The following DLC1 variants were observed in gnomAD, a reference collection of about 807,000 sequenced individuals.
The protein encoded by DLC1 is DLC1 Rho GTPase activating protein.
DLC1 carries 54 observed loss-of-function variants against 140.3 expected under a neutral mutation model. The ratio of observed to expected loss-of-function variants is 0.38; its 90% CI spans 0.31 to 0.48. DLC1 has a LOEUF of 0.48. Ranked by LOEUF, DLC1 falls within the 20% of genes least tolerant of loss-of-function variation. The probability of loss-of-function intolerance (pLI) is 0.96; values close to 1 mark genes in which losing one functional copy is unlikely to be tolerated. For synonymous variants in DLC1, 986 were observed against 728.1 expected (o/e 1.35, Z -5.70); for missense variants, 2,536 against 1,907.0 (o/e 1.33, Z -6.14).
intron 4 of DLC1, among the ~76,000 whole-genome samples, chr8:13,378,733 C>T (rs962553401): frequency 6.6e-6 from 1 of 152,028 alleles, no homozygotes; most frequent in African/African-American, 2.4e-5. Flanking sequence ...ACAGAACTTC[C>T]GTTATGTGCC....
At chr8:13,599,788 T>A (rs1805808655) in intron 1 of DLC1, among the ~76,000 whole-genome samples, 1 of 151,836 alleles carries the variant, frequency 6.6e-6, no homozygotes, top group Non-Finnish European at 1.5e-5. Context: ...AATAGGGAAA[T>A]GCAAAGGTCC....
At chr8:13,341,381 C>G (rs1380866422) in intron 4 of DLC1, 1 of 152,162 alleles carries the variant, frequency 6.6e-6, no homozygotes, top group African/African-American at 2.4e-5. Context: ...TCGAGCAGTT[C>G]TTGAACTCCA....
At chr8:13,579,933 A>G (rs1250965942) in intron 1 of DLC1, among the ~76,000 whole-genome samples, 1 of 151,884 alleles carries the variant, frequency 6.6e-6, no homozygotes, top group Non-Finnish European at 1.5e-5. Context: ...ACAAACAACA[A>G]TGGTGACAGG....
intron 1 of DLC1, among the ~76,000 whole-genome samples, chr8:13,521,665 G>T (rs1207204515): frequency 6.6e-6 from 1 of 152,110 alleles, no homozygotes; most frequent in Non-Finnish European, 1.5e-5. Flanking sequence ...TCACAATGCA[G>T]CACTGTGCAA....
chr8:13,434,419 T>A (rs1839022707), intron 2 of DLC1, among the ~76,000 whole-genome samples: 1 of 152,218 alleles, frequency 6.6e-6, no homozygotes, highest in Admixed American at 6.5e-5. Context: ...AGTTTATTAG[T>A]GTTTTCTTTG....
chr8:13,455,848 C>G (rs1333022422), intron 2 of DLC1, among the ~76,000 whole-genome samples: 1 of 151,994 alleles, frequency 6.6e-6, no homozygotes, highest in Non-Finnish European at 1.5e-5. Flanking sequence ...TGCACTCTGG[C>G]CTGGGCAACA....
At chr8:13,289,382 G>C (rs761109243) in intron 5 of DLC1, among the ~76,000 whole-genome samples, 1 of 152,020 alleles carries the variant, frequency 6.6e-6, no homozygotes, top group African/African-American at 2.4e-5. Flanking sequence ...CATAGAGTTG[G>C]AGTCTCTCTA....
chr8:13,183,002 T>C (rs1380512685), intron 5 of DLC1, among the ~76,000 whole-genome samples: 1 of 152,146 alleles, frequency 6.6e-6, no homozygotes, highest in African/African-American at 2.4e-5. Context: ...CGTTGAGCAG[T>C]GGTTTGTAGT....
chr8:13,468,811 C>CTTTTTTTTT lies in DLC1; in HGVS notation c.1023+30229_1023+30237dup, dbSNP rs78775803. On this transcript the variant is annotated intron_variant, in intron 2 of 17. Transcript: ENST00000276297. Reference sequence around the variant, plus strand: ...GTTGATTCTCCCAATTTTATGTCTGCTTTTTTTTTTTTTTTTTTTTTTTTT... The same window carrying CTTTTTTTTT: ...GTTGATTCTCCCAATTTTATGTCTGCTTTTTTTTTTTTTTTTTTTTTTTTTTTTTTTTTT... Among the ~76,000 whole-genome samples the CTTTTTTTTT allele has an allele frequency of 3.9e-3, 351 of 89,896 alleles. 74 individuals are homozygous for CTTTTTTTTT. The highest frequency in any genetic ancestry group is 6.3e-3 in the East Asian group (15 of 2,396). The allele number at this position is 89,896 out of a possible 152,430, so 59.0% of individuals were successfully genotyped here.
intron 1 of DLC1, among the ~76,000 whole-genome samples, chr8:13,552,109 G>GTATATATATATA (rs1414492996): frequency 1.1e-4 from 2 of 18,522 alleles, no homozygotes; most frequent in Admixed American, 8.2e-4. Context: ...CTGTCTAGAG[G>GTATATATATATA]TGTATATATA....
chr8:13,329,744 T>G (rs1448996842), intron 4 of DLC1, among the ~76,000 whole-genome samples: 1 of 152,166 alleles, frequency 6.6e-6, no homozygotes, highest in East Asian at 1.9e-4. Flanking sequence ...TCATGCCCTG[T>G]TTCTCCAGCA....
intron 5 of DLC1, among the ~76,000 whole-genome samples, chr8:13,225,254 G>A (rs73663651): frequency 2.0e-5 from 3 of 152,138 alleles, no homozygotes; most frequent in Non-Finnish European, 4.4e-5. Flanking sequence ...TGCTGAAGTG[G>A]CCCCAAAACA....
At chr8:13,449,696 G>A (rs1037495134) in intron 2 of DLC1, among the ~76,000 whole-genome samples, 1 of 152,084 alleles carries the variant, frequency 6.6e-6, no homozygotes, top group Non-Finnish European at 1.5e-5. Flanking sequence ...GGGAGGGATA[G>A]CATTAGGAGA....
chr8:13,496,438 G>T (rs1233041117), intron 2 of DLC1, among the ~76,000 whole-genome samples: 1 of 152,038 alleles, frequency 6.6e-6, no homozygotes, highest in African/African-American at 2.4e-5. Context: ...GGGGTAAAAA[G>T]TGAAAACCCC....
intron 2 of DLC1, among the ~76,000 whole-genome samples, chr8:13,429,604 G>A (rs867750947): frequency 6.6e-6 from 1 of 152,132 alleles, no homozygotes; most frequent in Non-Finnish European, 1.5e-5. Flanking sequence ...AAAAGGGAAA[G>A]TTTTATCCTA....
intron 2 of DLC1, among the ~76,000 whole-genome samples, chr8:13,434,067 G>A (rs1400530231): frequency 2.0e-5 from 3 of 152,252 alleles, no homozygotes; most frequent in Non-Finnish European, 4.4e-5. Flanking sequence ...AATTGAGATG[G>A]AGTTTCACCA....
At chr8:13,312,238 G>T (rs1832696118) in intron 4 of DLC1, among the ~76,000 whole-genome samples, 1 of 137,372 alleles carries the variant, frequency 7.3e-6, no homozygotes, top group Admixed American at 7.5e-5. Context: ...GCGGGCGCCT[G>T]TAGTCCCAGC....
intron 3 of DLC1, among the ~76,000 whole-genome samples, chr8:13,397,150 C>G (rs944862675): frequency 1.3e-5 from 2 of 152,064 alleles, no homozygotes; most frequent in Admixed American, 6.5e-5. Context: ...AAGGGTGCAT[C>G]TTGTGATCCA....
intron 5 of DLC1, chr8:13,214,688 A>G (rs1412707304): frequency 1.3e-6 from 1 of 780,748 alleles, no homozygotes; most frequent in Non-Finnish European, 2.4e-6. Flanking sequence ...GTGTAAGGAG[A>G]CAAACCAATT....
Sources: gnomAD v4.1 joint callset for allele counts (sites outside exome capture counted in the v4.1 genomes callset) on GRCh38, gnomAD v4.1.1 for gene constraint, MANE v1.5 for transcripts, NCBI Gene and HGNC (gene_info 2026-07-23, HGNC 2026-07-21) for gene names.